LIPC: variants seen among roughly 807,000 people sequenced by gnomAD.
LIPC encodes hepatic triacylglycerol lipase.
LIPC carries 44 observed loss-of-function variants against 50.7 expected under a neutral mutation model. The observed-to-expected ratio is 0.87, with a 90% CI of 0.68 to 1.11. The LOEUF (loss-of-function observed/expected upper bound fraction) is 1.11, where lower values mean the gene tolerates loss of function less well. Among genes scored for constraint, LIPC ranks in the 50% most tolerant of loss-of-function variants. The pLI, the probability that LIPC is intolerant of heterozygous loss-of-function variation, is 0.00. For missense variants in LIPC, 697 were observed against 648.2 expected, an observed-to-expected ratio of 1.08 and a Z score of -0.82; for synonymous variants, 271 against 256.4, an observed-to-expected ratio of 1.06 and a Z score of -0.54.
chr15:58,493,992 T>C (rs1328185971), intron 1 of LIPC, among the ~76,000 whole-genome samples: 1 of 151,788 alleles, frequency 6.6e-6, no homozygotes, highest in Non-Finnish European at 1.5e-5. Flanking sequence ...CTGGAGGAGG[T>C]CACCTTGCCT....
intron 6 of LIPC, among the ~76,000 whole-genome samples, chr15:58,550,825 C>A (rs1271171708): frequency 2.2e-5 from 1 of 45,084 alleles, no homozygotes; most frequent in African/African-American, 9.5e-5. Flanking sequence ...TTCTTTCTTA[C>A]TTTTTTTTTT....
chr15:58,511,762 G>A (rs1892336178), intron 1 of LIPC, among the ~76,000 whole-genome samples: 1 of 152,134 alleles, frequency 6.6e-6, no homozygotes, highest in South Asian at 2.1e-4. Flanking sequence ...ATCACAGTGT[G>A]GTTTACATTT....
chr15:58,469,339 C>T (rs2414580), intron 1 of LIPC, among the ~76,000 whole-genome samples: 151,427 of 152,298 alleles, frequency 0.99, 75,289 homozygotes, highest in Middle Eastern at 1. Context: ...GTACTCAGAA[C>T]TCTCAGCTCA....
At chr15:58,481,533 G>A (rs774649543) in intron 1 of LIPC, among the ~76,000 whole-genome samples, 3 of 152,184 alleles carry the variant, frequency 2.0e-5, no homozygotes, top group East Asian at 1.9e-4. Context: ...GGCCAGGCAC[G>A]ACAGCTCACA....
chr15:58,559,648 G>A (rs1261903834), intron 6 of LIPC, among the ~76,000 whole-genome samples: 1 of 148,932 alleles, frequency 6.7e-6, no homozygotes, highest in Non-Finnish European at 1.5e-5. Context: ...CAAGGCTGCA[G>A]TAAGCCAAGG....
At chr15:58,492,593 C>T (rs1486370938) in intron 1 of LIPC, among the ~76,000 whole-genome samples, 1 of 152,184 alleles carries the variant, frequency 6.6e-6, no homozygotes, top group African/African-American at 2.4e-5. Context: ...CCCACTCAGG[C>T]CCATTCTTTT....
chr15:58,562,167 C>T (rs1894187256), intron 7 of LIPC, among the ~76,000 whole-genome samples: 2 of 152,182 alleles, frequency 1.3e-5, no homozygotes, highest in South Asian at 4.1e-4. Flanking sequence ...ACAGCCCATC[C>T]CACATGGCCA....
chr15:58,542,491 C>T (rs1247529204), intron 3 of LIPC, 43 bp from the exon 4 acceptor site: 1 of 1,299,484 alleles, frequency 7.7e-7, no homozygotes, highest in Non-Finnish European at 1.1e-6. Context: ...GGCTTTCATC[C>T]AGGCAGCTCT....
At chr15:58,463,073 C>A (rs1398454793) in intron 1 of LIPC, among the ~76,000 whole-genome samples, 4 of 151,842 alleles carry the variant, frequency 2.6e-5, no homozygotes, top group Non-Finnish European at 5.9e-5. Flanking sequence ...TGGAGCAGCA[C>A]TGGGGGTGTG....
chr15:58,472,106 C>T (rs1394086779), intron 1 of LIPC, among the ~76,000 whole-genome samples: 5 of 151,384 alleles, frequency 3.3e-5, no homozygotes, highest in East Asian at 1.9e-4. Context: ...CCCATCTCTA[C>T]GAAAAATACA....
At chr15:58,463,503 G>T (rs1398872028) in intron 1 of LIPC, among the ~76,000 whole-genome samples, 1 of 152,132 alleles carries the variant, frequency 6.6e-6, no homozygotes, top group Non-Finnish European at 1.5e-5. Flanking sequence ...CCCGCCCACT[G>T]CTCCCCTTTA....
intron 1 of LIPC, among the ~76,000 whole-genome samples, chr15:58,534,727 A>G (rs1893059240): frequency 6.6e-6 from 1 of 152,238 alleles, no homozygotes; most frequent in Non-Finnish European, 1.5e-5. Flanking sequence ...TGATGTGGCC[A>G]AAAAGAAGCT....
At chr15:58,446,361 T>G (rs1468266362) in intron 1 of LIPC, among the ~76,000 whole-genome samples, 3 of 152,180 alleles carry the variant, frequency 2.0e-5, no homozygotes, top group African/African-American at 7.2e-5. Flanking sequence ...ACTAAGGACA[T>G]TCTCCTACAT....
chr15:58,483,979 C>G (rs1891279509), intron 1 of LIPC, among the ~76,000 whole-genome samples: 1 of 152,172 alleles, frequency 6.6e-6, no homozygotes, highest in African/African-American at 2.4e-5. Context: ...AACATGGGCT[C>G]TCTTCTTGGG....
At chr15:58,516,437 T>C (rs553100101) in intron 1 of LIPC, among the ~76,000 whole-genome samples, 1 of 152,208 alleles carries the variant, frequency 6.6e-6, no homozygotes, top group South Asian at 2.1e-4. Flanking sequence ...CCCTTTCTTG[T>C]CTCCTTTGGA....
chr15:58,557,606 C>T (rs956975776), intron 6 of LIPC, among the ~76,000 whole-genome samples: 1 of 151,940 alleles, frequency 6.6e-6, no homozygotes, highest in Non-Finnish European at 1.5e-5. Context: ...AGGATGGTCT[C>T]GATCTGTTGA....
chr15:58,565,449 G>C, intron 8 of LIPC: 7 of 1,423,412 alleles, frequency 4.9e-6, no homozygotes, highest in Non-Finnish European at 5.5e-6. Context: ...AATGAGGAGA[G>C]GGAGGGGCCT....
At chr15:58,486,984 G>A (rs889065815) in intron 1 of LIPC, among the ~76,000 whole-genome samples, 9 of 152,152 alleles carry the variant, frequency 5.9e-5, no homozygotes, top group African/African-American at 2.2e-4. Context: ...GCGGGACAAC[G>A]GGGGCACACT....
At chr15:58,566,275 G>A in intron 8 of LIPC, 10 of 985,444 alleles carry the variant, frequency 1.0e-5, no homozygotes, top group Non-Finnish European at 1.2e-5. Context: ...GAGGCCAAGA[G>A]GTGTTCCCAG....
Sources: allele counts gnomAD v4.1 joint callset (sites outside exome capture counted in the v4.1 genomes callset), GRCh38; gene constraint gnomAD v4.1.1; transcripts MANE v1.5; gene names NCBI Gene and HGNC (gene_info 2026-07-23, HGNC 2026-07-21).